Variants in ABHD3 observed in about 807,000 individuals in gnomAD.
The protein encoded by ABHD3 is abhydrolase domain containing 3, phospholipase, also known as phospholipase ABHD3.
Under a neutral mutation model 48.8 loss-of-function variants are expected in ABHD3, and 46 were observed. That is an observed-to-expected ratio of 0.94 (90% CI 0.74 to 1.20). ABHD3 has a LOEUF of 1.20. Among genes scored for constraint, ABHD3 ranks in the 50% most tolerant of loss-of-function variants. The pLI is 0.00. For synonymous variants in ABHD3, 192 were observed against 183.7 expected, an observed-to-expected ratio of 1.04 and a Z score of -0.36; for missense variants, 490 against 497.8, an observed-to-expected ratio of 0.98 and a Z score of 0.15.
rs2039426967 is a variant in ABHD3 at position 21,659,217 on chromosome 18, TA to T, written c.794del (p.Leu265HisfsTer7). On this transcript the variant is annotated frameshift_variant, in exon 6 of 9. Transcript: ENST00000289119. LOFTEE classifies it high-confidence loss of function. ...AGGTTGTCAAATAGTAATTAAAAAGTAGCCAGTTCAGTGGTTTTTCCAATGA... is the reference window on the plus strand; with the variant it reads ...AGGTTGTCAAATAGTAATTAAAAAGTGCCAGTTCAGTGGTTTTTCCAATGA... ...SESLEKPLNW[L>X]LFNYYLTTCL... 6.2e-7 allele frequency: 1 copy of T among 1,613,616 alleles called. No homozygotes were observed. Among genetic ancestry groups the T allele is most frequent in the East Asian group, 2.2e-5 (1 of 44,862 alleles).
At chr18:21,697,475 G>A (rs1165295423) in intron 3 of ABHD3, among the ~76,000 whole-genome samples, 2 of 152,172 alleles carry the variant, frequency 1.3e-5, no homozygotes, top group Non-Finnish European at 2.9e-5. Context: ...CACCTCCCGA[G>A]TTCAAGCGAT....
intron 3 of ABHD3, among the ~76,000 whole-genome samples, chr18:21,685,926 A>C (rs1405892996): frequency 6.6e-6 from 1 of 152,180 alleles, no homozygotes; most frequent in Non-Finnish European, 1.5e-5. Flanking sequence ...TAAAACTCCT[A>C]ATCTCAAGTG....
At chr18:21,692,481 T>C (rs1044492019) in intron 3 of ABHD3, among the ~76,000 whole-genome samples, 1 of 152,200 alleles carries the variant, frequency 6.6e-6, no homozygotes, top group African/African-American at 2.4e-5. Context: ...GCAATTCTGG[T>C]TATTTCTTGC....
chr18:21,660,889 T>A (rs978496745), intron 5 of ABHD3, among the ~76,000 whole-genome samples: 2 of 151,934 alleles, frequency 1.3e-5, no homozygotes, highest in Non-Finnish European at 2.9e-5. Context: ...AGGTCAGATA[T>A]TGTTGGGAGG....
chr18:21,663,474 A>T (rs1339746962), intron 5 of ABHD3, among the ~76,000 whole-genome samples: 1 of 151,788 alleles, frequency 6.6e-6, no homozygotes, highest in African/African-American at 2.4e-5. Flanking sequence ...AAAAAAAAAA[A>T]CCCCAAAAAC....
intron 6 of ABHD3, 150 bp from the exon 7 acceptor site, chr18:21,657,302 G>T: frequency 1.7e-6 from 1 of 603,252 alleles, no homozygotes; most frequent in Non-Finnish European, 2.8e-6. Context: ...GGCAGGATTA[G>T]AATAATAATG....
At chr18:21,659,134 C>G (rs762016137) in intron 6 of ABHD3, 36 bp downstream of exon 6, 1 of 1,590,434 alleles carries the variant, frequency 6.3e-7, no homozygotes, top group Non-Finnish European at 8.6e-7. Flanking sequence ...CCACCGGGCC[C>G]GGCCCTGGAG....
At chr18:21,680,766 A>T (rs1473929356) in intron 4 of ABHD3, among the ~76,000 whole-genome samples, 4 of 152,170 alleles carry the variant, frequency 2.6e-5, no homozygotes, top group Non-Finnish European at 5.9e-5. Context: ...TTAACTTTAA[A>T]TACTAAGGAG....
intron 4 of ABHD3, among the ~76,000 whole-genome samples, chr18:21,678,364 C>CT (rs1336305657): frequency 6.6e-6 from 1 of 152,222 alleles, no homozygotes; most frequent in East Asian, 1.9e-4. Context: ...TCCAAAGTGG[C>CT]TAGGATGCTT....
chr18:21,668,707 T>C (rs2039692357), intron 4 of ABHD3, among the ~76,000 whole-genome samples: 1 of 152,198 alleles, frequency 6.6e-6, no homozygotes, highest in South Asian at 2.1e-4. Context: ...CATTATCTGG[T>C]ACCCTCAGAT....
Position 21,683,960 on chromosome 18 carries a change from A to G in ABHD3, c.515T>C (p.Val172Ala), listed in dbSNP as rs1229334645. ...HLSEELGYRC[V>A]VFNNRGVAGE... ...CGCCACTCCTCTGTTGTTAAAAACC[A>G]CACATCTAAAAACCAGGAAAGCAAT... The change falls in exon 4 of 9, where the codon GTG (valine) becomes GCG (alanine). Residue 172 changes from valine to alanine, a missense_variant. Val to Ala is a moderately conservative substitution (Grantham distance 64). Coordinates refer to ENST00000289119, the MANE Select transcript of ABHD3 (RefSeq NM_138340.5). 3.8e-6 allele frequency: 6 copies of G among 1,597,030 alleles called. No individual in the cohort carries two copies. Among genetic ancestry groups the G allele is most frequent in the Non-Finnish European group, 5.1e-6 (6 of 1,170,788 alleles).
At chr18:21,700,016 T>C (rs1488046191) in intron 3 of ABHD3, among the ~76,000 whole-genome samples, 2 of 152,118 alleles carry the variant, frequency 1.3e-5, no homozygotes, top group Admixed American at 6.5e-5. Context: ...ACAAAAGGTA[T>C]GTGCACTGGC....
At chr18:21,654,135 A>G (rs2039292321) in intron 8 of ABHD3, among the ~76,000 whole-genome samples, 1 of 151,952 alleles carries the variant, frequency 6.6e-6, no homozygotes, top group Admixed American at 6.6e-5. Context: ...TACAGGCGTG[A>G]GCCACTTCGC....
chr18:21,656,792 T>G, intron 8 of ABHD3, 69 bp downstream of exon 8: 1 of 1,359,260 alleles, frequency 7.4e-7, no homozygotes, highest in Non-Finnish European at 9.9e-7. Flanking sequence ...TATTACTATA[T>G]TTCCTTAAAA....
At chr18:21,676,146 G>C (rs1485918018) in intron 4 of ABHD3, among the ~76,000 whole-genome samples, 1 of 152,124 alleles carries the variant, frequency 6.6e-6, no homozygotes, top group Non-Finnish European at 1.5e-5. Context: ...ATGAATGCTG[G>C]GGCAGGGAAC....
Position 21,689,368 on chromosome 18 carries a change from G to C in ABHD3, c.510-5403C>G, listed in dbSNP as rs137935251. 9.9e-5 allele frequency among the ~76,000 whole-genome samples: 15 copies of C among 151,980 alleles called. No homozygotes were observed. The East Asian group carries it at 2.9e-3, about 30-fold the overall frequency. On this transcript the variant is annotated intron_variant, in intron 3 of 8. Transcript: ENST00000289119. Reference sequence around the variant, plus strand: ...GTTCGAGACCAGCCTGGCCAACGTAGTGAAACACTGTCTCTACTAAAAATA... The same window carrying C: ...GTTCGAGACCAGCCTGGCCAACGTACTGAAACACTGTCTCTACTAAAAATA...
intron 3 of ABHD3, among the ~76,000 whole-genome samples, chr18:21,687,157 G>A (rs1267898794): frequency 6.6e-6 from 1 of 151,698 alleles, no homozygotes; most frequent in Non-Finnish European, 1.5e-5. Flanking sequence ...CAATCCTCTC[G>A]TCTTGGCCTC....
intron 4 of ABHD3, among the ~76,000 whole-genome samples, chr18:21,669,420 G>C (rs557425227): frequency 1.3e-5 from 2 of 152,112 alleles, no homozygotes; most frequent in East Asian, 1.9e-4. Context: ...ATGCAGGTAG[G>C]TATTCATTCC....
intron 4 of ABHD3, among the ~76,000 whole-genome samples, chr18:21,676,195 T>C (rs1163888674): frequency 1.3e-5 from 2 of 152,206 alleles, no homozygotes; most frequent in Non-Finnish European, 2.9e-5. Context: ...ATAGCCATCA[T>C]GATGTGTAGA....
Sources: allele counts gnomAD v4.1 joint callset (sites outside exome capture counted in the v4.1 genomes callset), GRCh38; gene constraint gnomAD v4.1.1; transcripts MANE v1.5; gene names NCBI Gene and HGNC (gene_info 2026-07-23, HGNC 2026-07-21).